ADCY5: variants seen among roughly 807,000 people sequenced by gnomAD.
ADCY5 encodes the protein adenylate cyclase type 5.
A neutral mutation model predicts 119.7 loss-of-function variants in ADCY5; 30 were observed. The observed-to-expected ratio is 0.25, with a 90% CI of 0.19 to 0.34. The LOEUF is 0.34. ADCY5 is among the 10% of genes least tolerant of loss of function. The pLI, the probability that ADCY5 is intolerant of heterozygous loss-of-function variation, is 1.00. For synonymous variants in ADCY5, 753 were observed against 762.2 expected (o/e 0.99, Z 0.20); for missense variants, 1,324 against 1,775.2 (o/e 0.75, Z 4.57).
intron 13 of ADCY5, among the ~76,000 whole-genome samples, chr3:123,303,536 G>C (rs1939982110): frequency 6.6e-6 from 1 of 152,184 alleles, no homozygotes; most frequent in Admixed American, 6.5e-5. Flanking sequence ...GAGTAGCCAA[G>C]CATAGTGGCT....
At chr3:123,346,641 C>CTCTCTG (rs1376749948) in intron 3 of ADCY5, among the ~76,000 whole-genome samples, 3,017 of 146,528 alleles carry the variant, frequency 0.021, 86 homozygotes, top group African/African-American at 0.071. Context: ...CTCTCTCTCT[C>CTCTCTG]TGTGTGTATG....
chr3:123,376,399 T>C (rs1284464595), intron 1 of ADCY5, among the ~76,000 whole-genome samples: 1 of 143,064 alleles, frequency 7.0e-6, no homozygotes, highest in African/African-American at 2.6e-5. Flanking sequence ...TTGGCCTTCG[T>C]GCATTTGTAA....
chr3:123,296,159 G>T lies in ADCY5; in HGVS notation c.2988C>A (p.Val996=), dbSNP rs751717928. 6.2e-7 allele frequency: 1 copy of T among 1,614,026 alleles called. No individual in the cohort carries two copies. The highest frequency in any genetic ancestry group is 8.5e-7 in the Non-Finnish European group (1 of 1,179,994). The change falls in exon 17 of 21, where the codon GTC becomes GTA. Residue 996 remains valine, a synonymous_variant. Transcript: ENST00000462833. ...LKVVTPIIIS[V]FVLALYLHAQ... ...CGTGCAGGTACAGGGCCAGCACAAA[G>T]ACTGAGATGATGATGGGCGTCACCA...
chr3:123,336,694 A>G (rs1227891857), intron 3 of ADCY5, among the ~76,000 whole-genome samples: 1 of 152,072 alleles, frequency 6.6e-6, no homozygotes, highest in African/African-American at 2.4e-5. Context: ...CTGCACTCCA[A>G]CCTCCTGTGC....
At chr3:123,297,268 C>G in intron 16 of ADCY5, 85 bp downstream of exon 16, 1 of 1,550,738 alleles carries the variant, frequency 6.4e-7, no homozygotes, top group South Asian at 1.1e-5. Context: ...CCACCAAGGC[C>G]CCTCCCACCT....
chr3:123,373,452 C>A (rs1943703978), intron 1 of ADCY5, among the ~76,000 whole-genome samples: 1 of 152,150 alleles, frequency 6.6e-6, no homozygotes, highest in South Asian at 2.1e-4. Context: ...CTGGGCTGCC[C>A]CAAGAGCCAA....
chr3:123,332,746 C>T, intron 3 of ADCY5, 71 bp from the exon 4 acceptor site: 1 of 1,030,622 alleles, frequency 9.7e-7, no homozygotes, highest in South Asian at 1.4e-5. Flanking sequence ...TCATACATTA[C>T]ATCTTTTTTT....
chr3:123,333,474 GC>G (rs1309129258), intron 3 of ADCY5, among the ~76,000 whole-genome samples: 1 of 152,258 alleles, frequency 6.6e-6, no homozygotes, highest in African/African-American at 2.4e-5. Flanking sequence ...CAGCAAGAGT[GC>G]TGGGGGCTCC....
chr3:123,318,099 C>T lies in ADCY5; in HGVS notation c.2275G>A (p.Asp759Asn), dbSNP rs1225068408. ...CACGCCACATAGGCACCAAATCGGT[C>T]GTCTACCTGCTTGGAGTACTGAGAG... ...LEKKYSKQVD[D>N]RFGAYVACAS... The change falls in exon 11 of 21, where the codon GAC becomes AAC. Residue 759 changes from aspartate (D) to asparagine (N), a missense_variant. Around this residue, in one of 6 missense-constraint regions of ADCY5, gnomAD observed 424 missense variants for 546.8 expected, o/e 0.78. Coordinates refer to ENST00000462833, the MANE Select transcript of ADCY5 (RefSeq NM_183357.3). 17 of 1,611,330 alleles carry T rather than the reference C, an allele frequency of 1.1e-5. No homozygotes were observed. The highest frequency in any genetic ancestry group is 2.7e-5 in the African/African-American group (2 of 74,848).
chr3:123,289,069 C>G (rs890761595), intron 19 of ADCY5, among the ~76,000 whole-genome samples: 4 of 152,216 alleles, frequency 2.6e-5, no homozygotes, highest in African/African-American at 2.4e-5. Flanking sequence ...TAAAAAGTAA[C>G]TCTTTTTAAG....
chr3:123,444,369 A>G (rs933619138), intron 1 of ADCY5, among the ~76,000 whole-genome samples: 15 of 152,200 alleles, frequency 9.9e-5, no homozygotes, highest in African/African-American at 3.6e-4. Context: ...GGAAGGCAGC[A>G]GAGAGGTGAG....
chr3:123,448,686 G>A lies in ADCY5; in HGVS notation c.-141C>T. 1 of 671,074 alleles carries A rather than the reference G, an allele frequency of 1.5e-6. No homozygotes were observed. Among genetic ancestry groups the A allele is most frequent in the Non-Finnish European group, 2.1e-6 (1 of 475,450 alleles). The allele number at this position is 671,074 out of a possible 1,614,324, so 41.6% of individuals were successfully genotyped here. ...GGCCCGGGGCCCTGCGCTGCAGCGG[G>A]GCATCTTGGCACCCCCGTCCTGAGC... On this transcript the variant is annotated 5_prime_UTR_variant, in exon 1 of 21. Coordinates refer to ENST00000462833, the MANE Select transcript of ADCY5 (RefSeq NM_183357.3).
intron 3 of ADCY5, among the ~76,000 whole-genome samples, chr3:123,335,150 C>T (rs542330965): frequency 6.4e-4 from 98 of 152,260 alleles, no homozygotes; most frequent in African/African-American, 2.3e-3. Context: ...GGGACAGCCC[C>T]TACATACCGA....
At chr3:123,374,136 C>T (rs1412092802) in intron 1 of ADCY5, among the ~76,000 whole-genome samples, 2 of 152,088 alleles carry the variant, frequency 1.3e-5, no homozygotes, top group Admixed American at 6.5e-5. Context: ...AGACAGGCAT[C>T]AGGGAGGGGG....
chr3:123,313,290 T>G (rs936941691), intron 12 of ADCY5, among the ~76,000 whole-genome samples: 2 of 150,664 alleles, frequency 1.3e-5, no homozygotes, highest in Admixed American at 6.6e-5. Context: ...CTCTGGAGGG[T>G]GGAGAGAGAA....
rs1576535252 is a variant in ADCY5, at chr3:123,297,204, C to T, written c.2930+149G>A. 1.3e-5 allele frequency: 18 copies of T among 1,364,098 alleles called. No homozygotes were observed. In the East Asian group the frequency reaches 4.1e-4, roughly 31 times the overall value. The allele number at this position is 1,364,098 out of a possible 1,614,324, so 84.5% of individuals were successfully genotyped here. A position where few individuals can be genotyped will look rare whatever the true frequency, so the allele number is the denominator to read the frequency against. ...GCCCCCCGAGGACGCCTTGCTACCC[C>T]AGGAGGAACCAGCCTCCCTGTCCTG... is the stretch of plus-strand genomic sequence containing the variant. On this transcript the variant is annotated intron_variant, in intron 16 of 20. Coordinates refer to ENST00000462833, the MANE Select transcript of ADCY5 (RefSeq NM_183357.3).
chr3:123,344,837 ATT>A (rs1285956955), intron 3 of ADCY5, among the ~76,000 whole-genome samples: 1 of 152,126 alleles, frequency 6.6e-6, no homozygotes, highest in Non-Finnish European at 1.5e-5. Context: ...CCAGAGGGAC[ATT>A]TGCATATGAT....
At chr3:123,433,789 A>G (rs1359243220) in intron 1 of ADCY5, among the ~76,000 whole-genome samples, 1 of 152,136 alleles carries the variant, frequency 6.6e-6, no homozygotes, top group Non-Finnish European at 1.5e-5. Flanking sequence ...TTATGCCACC[A>G]GAAGACGGGC....
intron 1 of ADCY5, among the ~76,000 whole-genome samples, chr3:123,399,005 C>T (rs1304228693): frequency 6.6e-6 from 1 of 152,234 alleles, no homozygotes; most frequent in East Asian, 1.9e-4. Context: ...CAGCTATCCC[C>T]TTAGAATCTC....
Sources: gnomAD v4.1 joint callset for allele counts (sites outside exome capture counted in the v4.1 genomes callset) on GRCh38, gnomAD v4.1.1 for gene constraint, gnomAD v4.1.1 regional missense constraint, MANE v1.5 for transcripts, NCBI Gene and HGNC (gene_info 2026-07-23, HGNC 2026-07-21) for gene names.